FRMPD1: variants seen among roughly 807,000 people sequenced by gnomAD.
FRMPD1 encodes FERM and PDZ domain-containing protein 1.
A neutral mutation model predicts 117.8 loss-of-function variants in FRMPD1; 76 were observed. That is an observed-to-expected ratio of 0.65 (90% confidence interval 0.54 to 0.78). The LOEUF is 0.78. Ranked by LOEUF, FRMPD1 falls within the 30% of genes least tolerant of loss-of-function variation. The pLI is 0.00. For missense variants in FRMPD1, 1,786 were observed against 1,964.5 expected (o/e 0.91, Z 1.72); for synonymous variants, 783 against 770.4 (o/e 1.02, Z -0.27).
intron 5 of FRMPD1, among the ~76,000 whole-genome samples, chr9:37,714,962 A>G (rs1304553799): frequency 1.3e-5 from 2 of 152,104 alleles, no homozygotes; most frequent in Non-Finnish European, 2.9e-5. Flanking sequence ...AGAATTTTAA[A>G]AACATTGCAA....
At chr9:37,678,251 CTTTTTT>C (rs34040451) in intron 1 of FRMPD1, among the ~76,000 whole-genome samples, 5 of 79,842 alleles carry the variant, frequency 6.3e-5, no homozygotes, top group African/African-American at 5.2e-5. Flanking sequence ...GTACTTACCA[CTTTTTT>C]TTTTTTTTTT....
At chr9:37,656,193 G>A (rs1026647260) in intron 1 of FRMPD1, among the ~76,000 whole-genome samples, 1 of 152,158 alleles carries the variant, frequency 6.6e-6, no homozygotes, top group Non-Finnish European at 1.5e-5. Flanking sequence ...AAAAGCCTGT[G>A]ATTTTCCCGA....
In FRMPD1 at chr9:37,707,503, C is replaced by A; in HGVS notation, c.189C>A (p.Asp63Glu). The A allele has an allele frequency of 2.5e-6, 4 of 1,613,862 alleles. No homozygotes were observed. Among genetic ancestry groups the A allele is most frequent in the Non-Finnish European group, 3.4e-6 (4 of 1,179,746 alleles). Residue 63 changes from aspartate to glutamate, a missense_variant, in exon 3 of 16, where the codon GAC becomes GAA. Transcript: ENST00000377765. ...PVRHTVKIDK[D>E]TLLQDYGFHI... The stretch of plus-strand genomic sequence containing the variant: ...GACACACAGTAAAGATAGACAAAGA[C>A]ACCCTCCTCCAGGACTATGGATTTC...
At chr9:37,646,217 A>G (rs1476047862), upstream of FRMPD1, among the ~76,000 whole-genome samples, 2 of 152,254 alleles carry the variant, frequency 1.3e-5, no homozygotes, top group Non-Finnish European at 2.9e-5. Flanking sequence ...AAGAACATAC[A>G]GTTTATGTGG....
the FRMPD1 span, among the ~76,000 whole-genome samples, chr9:37,629,554 C>T: frequency 2.4e-3 from 371 of 152,286 alleles, 2 homozygotes; most frequent in African/African-American, 8.5e-3. Context: ...CAATGCAGGG[C>T]CACCCGCCAA....
At chr9:37,701,776 G>A (rs1822542404) in intron 2 of FRMPD1, among the ~76,000 whole-genome samples, 1 of 152,156 alleles carries the variant, frequency 6.6e-6, no homozygotes, top group African/African-American at 2.4e-5. Flanking sequence ...TATAAAATCA[G>A]TCTGGCTGCT....
chr9:37,616,166 T>G, the FRMPD1 span, among the ~76,000 whole-genome samples: 1 of 137,974 alleles, frequency 7.2e-6, no homozygotes, highest in Non-Finnish European at 1.5e-5. Flanking sequence ...TCGCCCAGGC[T>G]GGAGTGCAGT....
intron 1 of FRMPD1, among the ~76,000 whole-genome samples, chr9:37,679,622 T>C (rs1821651734): frequency 6.6e-6 from 1 of 152,250 alleles, no homozygotes. Context: ...TCATAGAATA[T>C]GTGGTCTTTT....
intron 14 of FRMPD1, among the ~76,000 whole-genome samples, chr9:37,739,382 G>C (rs1435688235): frequency 1.3e-5 from 2 of 152,188 alleles, no homozygotes; most frequent in Non-Finnish European, 2.9e-5. Context: ...GATGAGGTCA[G>C]AGAGAAGTTT....
At chr9:37,729,890 G>C in intron 8 of FRMPD1, 37 bp downstream of exon 8, 1 of 1,602,196 alleles carries the variant, frequency 6.2e-7, no homozygotes, top group South Asian at 1.1e-5. Flanking sequence ...GGGAGGCATG[G>C]GCTGGGCTGG....
At chr9:37,638,156 C>A in the FRMPD1 span, among the ~76,000 whole-genome samples, 489 of 151,844 alleles carry the variant, frequency 3.2e-3, 3 homozygotes, top group African/African-American at 0.011. Context: ...TCGCTGCAAC[C>A]TCTGCCTCCT....
intron 1 of FRMPD1, among the ~76,000 whole-genome samples, chr9:37,690,420 T>C (rs998466143): frequency 1.3e-5 from 2 of 152,222 alleles, no homozygotes; most frequent in African/African-American, 4.8e-5. Flanking sequence ...GTTTTCTACA[T>C]TGTCTCTGTT....
the FRMPD1 span, among the ~76,000 whole-genome samples, chr9:37,619,099 G>A: frequency 7.9e-5 from 12 of 152,194 alleles, no homozygotes; most frequent in Admixed American, 2.0e-4. Flanking sequence ...AATGTAAACC[G>A]ACATGCCATA....
At chr9:37,719,035 C>A (rs749556531) in intron 5 of FRMPD1, 34 bp from the exon 6 acceptor site, 10 of 1,281,172 alleles carry the variant, frequency 7.8e-6, no homozygotes, top group Non-Finnish European at 1.1e-5. Flanking sequence ...TATGAAAGCA[C>A]TGTTCCAAAA....
chr9:37,647,195 A>G (rs1824154859), upstream of FRMPD1, among the ~76,000 whole-genome samples: 1 of 152,152 alleles, frequency 6.6e-6, no homozygotes, highest in African/African-American at 2.4e-5. Context: ...ATGACTCTTC[A>G]GAGTGACAAA....
At position 37,735,609 on chromosome 9, in the gene FRMPD1, C is replaced by T; in HGVS notation, c.1276C>T (p.Gln426Ter). Residue 426 changes from glutamine to a stop codon, truncating the protein, a stop_gained, in exon 13 of 16, where the codon CAG becomes TAG. Coordinates refer to ENST00000377765, the MANE Select transcript of FRMPD1 (RefSeq NM_014907.3). LOFTEE classifies it high-confidence loss of function. ...LLVGAKYGIS[Q>*]VINSKLNIMS... is the part of the protein sequence containing the mutation. ...AGTTGGAGCCAAGTATGGGATTAGC[C>T]AGGTTATCAATAGCAAACTCAACAT... 6.2e-7 allele frequency: 1 copy of T among 1,613,726 alleles called. No individual in the cohort carries two copies. Among genetic ancestry groups the T allele is most frequent in the Non-Finnish European group, 8.5e-7 (1 of 1,179,670 alleles).
intron 1 of FRMPD1, among the ~76,000 whole-genome samples, chr9:37,669,627 CT>C (rs1376107177): frequency 6.6e-6 from 1 of 152,116 alleles, no homozygotes; most frequent in African/African-American, 2.4e-5. Flanking sequence ...TAATGATTCC[CT>C]TTTTCTGCTT....
At chr9:37,718,941 C>G in intron 5 of FRMPD1, 128 bp from the exon 6 acceptor site, 1 of 640,358 alleles carries the variant, frequency 1.6e-6, no homozygotes, top group South Asian at 1.7e-5. Context: ...GGATATCATC[C>G]TTTCCTGTGG....
the FRMPD1 span, among the ~76,000 whole-genome samples, chr9:37,616,222 A>G: frequency 1.4e-5 from 2 of 143,676 alleles, no homozygotes; most frequent in Non-Finnish European, 3.0e-5. Flanking sequence ...AGTTCTAGCT[A>G]TTCTCCTGGT....
Sources: allele counts gnomAD v4.1 joint callset (sites outside exome capture counted in the v4.1 genomes callset), GRCh38; gene constraint gnomAD v4.1.1; transcripts MANE v1.5; gene names NCBI Gene and HGNC (gene_info 2026-07-23, HGNC 2026-07-21).